The following SMYD3 variants were observed in gnomAD, a reference collection of about 807,000 sequenced individuals.
The protein encoded by SMYD3 is SET and MYND domain containing 3.
Under a neutral mutation model 57.7 loss-of-function variants are expected in SMYD3, and 36 were observed. The observed-to-expected ratio is 0.62, with a 90% CI of 0.48 to 0.82. SMYD3 has a LOEUF of 0.82. SMYD3 is among the 40% of genes least tolerant of loss of function. The pLI is 0.00. For synonymous variants in SMYD3, 211 were observed against 195.0 expected, an observed-to-expected ratio of 1.08 and a Z score of -0.68; for missense variants, 515 against 538.8, an observed-to-expected ratio of 0.96 and a Z score of 0.44.
At chr1:245,924,060 C>T (rs763379851) in intron 7 of SMYD3, among the ~76,000 whole-genome samples, 13 of 152,152 alleles carry the variant, frequency 8.5e-5, no homozygotes, top group Non-Finnish European at 1.5e-4. Context: ...GTTGATATGG[C>T]GCCAGAGAAT....
chr1:246,313,014 G>A (rs1027760934), intron 5 of SMYD3, among the ~76,000 whole-genome samples: 2 of 151,948 alleles, frequency 1.3e-5, no homozygotes, highest in African/African-American at 2.4e-5. Flanking sequence ...TCCCAGGCTC[G>A]AGCGATCCTC....
chr1:246,472,466 G>A (rs1039416765), intron 1 of SMYD3, among the ~76,000 whole-genome samples: 1 of 152,128 alleles, frequency 6.6e-6, no homozygotes, highest in African/African-American at 2.4e-5. Context: ...AAATAGGCTG[G>A]GCATAGTGGC....
chr1:246,310,029 T>C (rs547888550), intron 5 of SMYD3, among the ~76,000 whole-genome samples: 2 of 152,322 alleles, frequency 1.3e-5, no homozygotes, highest in South Asian at 4.1e-4. Flanking sequence ...AAACTCTAAA[T>C]TTTCCTAGTT....
At chr1:246,049,223 G>A (rs1169504217) in intron 5 of SMYD3, among the ~76,000 whole-genome samples, 1 of 152,154 alleles carries the variant, frequency 6.6e-6, no homozygotes, top group Non-Finnish European at 1.5e-5. Context: ...CTTAGACTCT[G>A]CAAGGGGAAG....
chr1:246,357,414 T>A (rs574583543), intron 1 of SMYD3, among the ~76,000 whole-genome samples: 25 of 152,064 alleles, frequency 1.6e-4, no homozygotes, highest in Non-Finnish European at 3.4e-4. Context: ...CCCTATATGG[T>A]CAAAAAAGGG....
intron 5 of SMYD3, among the ~76,000 whole-genome samples, chr1:245,946,407 T>C (rs765981830): frequency 5.3e-5 from 8 of 152,286 alleles, no homozygotes; most frequent in Non-Finnish European, 1.5e-5. Flanking sequence ...ATCCCAAATA[T>C]GTTGTCCATG....
chr1:246,088,558 C>T (rs539057581), intron 5 of SMYD3, among the ~76,000 whole-genome samples: 17 of 140,418 alleles, frequency 1.2e-4, no homozygotes, highest in African/African-American at 4.1e-4. Context: ...TGCAGTGAGC[C>T]GAGATCATGC....
Position 246,451,038 on chromosome 1 carries a change from T to A in SMYD3, c.164+56016A>T, listed in dbSNP as rs369027074. ...AATGGTGGGTCACAAACTAACATAC[T>A]TCAACCACAAACATTCAGCAGGTGC... On this transcript the variant is annotated intron_variant, in intron 1 of 11. Coordinates refer to ENST00000490107, the MANE Select transcript of SMYD3 (RefSeq NM_001167740.2). 5.3e-5 allele frequency among the ~76,000 whole-genome samples: 8 copies of A among 152,302 alleles called. No homozygotes were observed. The South Asian group carries it at 1.7e-3, about 32-fold the overall frequency.
chr1:246,494,492 A>G (rs2068326155), intron 1 of SMYD3, among the ~76,000 whole-genome samples: 1 of 152,222 alleles, frequency 6.6e-6, no homozygotes, highest in African/African-American at 2.4e-5. Context: ...CCACAGGTAA[A>G]TGTGTAAAAT....
At chr1:245,835,461 T>C (rs1169291545) in intron 10 of SMYD3, among the ~76,000 whole-genome samples, 1 of 152,134 alleles carries the variant, frequency 6.6e-6, no homozygotes, top group African/African-American at 2.4e-5. Flanking sequence ...AGTTTTCTCA[T>C]GGGTAAAATG....
At chr1:246,173,717 A>G (rs1039426549) in intron 5 of SMYD3, among the ~76,000 whole-genome samples, 1 of 152,210 alleles carries the variant, frequency 6.6e-6, no homozygotes, top group Non-Finnish European at 1.5e-5. Flanking sequence ...AGGGTCAATA[A>G]AGGCATGGAG....
rs184610242 is a variant in SMYD3, at chr1:246,356,745, G to T, written c.165-1651C>A. On this transcript the variant is annotated intron_variant, in intron 1 of 11. Transcript: ENST00000490107. The stretch of plus-strand genomic sequence containing the variant: ...GTTAACCCAATCCATCAAAGACAAA[G>T]AAAAAAGAATTTTTAAAAATGAGCC... Among the ~76,000 whole-genome samples the T allele has an allele frequency of 3.3e-5, 5 of 152,084 alleles. No homozygotes were observed. In the South Asian group the frequency reaches 6.2e-4, roughly 19 times the overall value.
chr1:245,995,206 C>G (rs568536787), intron 5 of SMYD3, among the ~76,000 whole-genome samples: 22 of 152,324 alleles, frequency 1.4e-4, no homozygotes, highest in African/African-American at 5.1e-4. Flanking sequence ...AATTGTCATG[C>G]TTGTTAAAGT....
chr1:246,224,063 G>A (rs944921607), intron 5 of SMYD3, among the ~76,000 whole-genome samples: 1 of 152,068 alleles, frequency 6.6e-6, no homozygotes, highest in Non-Finnish European at 1.5e-5. Context: ...AGGTTTCTTT[G>A]GGGGTTCTGT....
At chr1:245,949,586 ATCACTTGAGG>A (rs1201344017) in intron 5 of SMYD3, among the ~76,000 whole-genome samples, 1 of 152,210 alleles carries the variant, frequency 6.6e-6, no homozygotes, top group African/African-American at 2.4e-5. Flanking sequence ...AAGGCGGTGG[ATCACTTGAGG>A]TCAGGAGTTC....
At position 246,007,143 on chromosome 1, in the gene SMYD3, T is replaced by A. The variant is rs894344987; in HGVS notation, c.532-77206A>T. On this transcript the variant is annotated intron_variant, in intron 5 of 11. Transcript: ENST00000490107. The stretch of plus-strand genomic sequence containing the variant: ...AAGCGGCCACGACTGGGGCCTGACA[T>A]CCTTCTCTAGGGATTATCAGGCAGC... Among the ~76,000 whole-genome samples, 28 of 152,192 alleles carry A rather than the reference T, an allele frequency of 1.8e-4. 1 individual carries two copies. The highest frequency in any genetic ancestry group is 7.3e-5 in the Non-Finnish European group (5 of 68,030).
chr1:246,073,701 G>A (rs2060496873), intron 5 of SMYD3, among the ~76,000 whole-genome samples: 1 of 152,020 alleles, frequency 6.6e-6, no homozygotes, highest in Admixed American at 6.6e-5. Flanking sequence ...TAGGTGACAG[G>A]GCAAGACTCT....
intron 5 of SMYD3, among the ~76,000 whole-genome samples, chr1:246,002,489 T>G (rs1182957617): frequency 1.4e-5 from 1 of 71,642 alleles, no homozygotes; most frequent in Non-Finnish European, 3.0e-5. Flanking sequence ...CGGCTAATTT[T>G]TTGTATTTTT....
chr1:245,767,012 G>C (rs7525609), intron 10 of SMYD3, among the ~76,000 whole-genome samples: 16,073 of 152,168 alleles, frequency 0.11, 955 homozygotes, highest in Admixed American at 0.17. Flanking sequence ...AGCTGACATA[G>C]AGAATAAAAA....
Sources: gnomAD v4.1 joint callset for allele counts (sites outside exome capture counted in the v4.1 genomes callset) on GRCh38, gnomAD v4.1.1 for gene constraint, MANE v1.5 for transcripts, NCBI Gene and HGNC (gene_info 2026-07-23, HGNC 2026-07-21) for gene names.